The following PPP1R16B variants were observed in gnomAD, a reference collection of about 807,000 sequenced individuals.
PPP1R16B encodes the protein protein phosphatase 1 regulatory inhibitor subunit 16B.
In PPP1R16B, 14 loss-of-function variants were observed where a neutral mutation model predicts 61.7. That is an observed-to-expected ratio of 0.23 (90% CI 0.15 to 0.35). The LOEUF (loss-of-function observed/expected upper bound fraction) is 0.35, where lower values mean the gene tolerates loss of function less well. Ranked by LOEUF, PPP1R16B falls within the 10% of genes least tolerant of loss-of-function variation. The probability of loss-of-function intolerance (pLI) is 1.00; values close to 1 mark genes in which losing one functional copy is unlikely to be tolerated. For missense variants in PPP1R16B, 547 were observed against 752.5 expected, an observed-to-expected ratio of 0.73 and a Z score of 3.19; for synonymous variants, 266 against 305.3, an observed-to-expected ratio of 0.87 and a Z score of 1.34.
intron 1 of PPP1R16B, among the ~76,000 whole-genome samples, chr20:38,834,176 T>A (rs1281013881): frequency 6.6e-6 from 1 of 152,178 alleles, no homozygotes; most frequent in Non-Finnish European, 1.5e-5. Flanking sequence ...TTTTAAAAAA[T>A]TATTTTATTT....
At chr20:38,902,889 T>C in intron 6 of PPP1R16B, 97 bp downstream of exon 6, 1 of 1,557,840 alleles carries the variant, frequency 6.4e-7, no homozygotes, top group East Asian at 2.3e-5. Context: ...GGCCTGTCTG[T>C]GACCTTGGAC....
chr20:38,836,251 A>C (rs556076171), intron 2 of PPP1R16B, 76 bp downstream of exon 2: 1 of 1,536,178 alleles, frequency 6.5e-7, no homozygotes, highest in African/African-American at 1.4e-5. Flanking sequence ...GGTTCTGTGC[A>C]GTAGACGTGT....
At chr20:38,877,952 G>GTTTTTTT (rs34151516) in intron 2 of PPP1R16B, among the ~76,000 whole-genome samples, 2 of 57,776 alleles carry the variant, frequency 3.5e-5, no homozygotes, top group African/African-American at 1.2e-4. Context: ...GCACACAGTT[G>GTTTTTTT]TTTTTTTTTT....
In PPP1R16B at chr20:38,840,860, G is replaced by A. The variant is rs150205608; in HGVS notation, c.250+4685G>A. 2.2e-3 allele frequency among the ~76,000 whole-genome samples: 342 copies of A among 152,280 alleles called. 2 individuals carry two copies. The highest frequency in any genetic ancestry group is 7.6e-3 in the African/African-American group (314 of 41,554). On this transcript the variant is annotated intron_variant, in intron 2 of 10. Coordinates refer to ENST00000299824, the MANE Select transcript of PPP1R16B (RefSeq NM_015568.4). ...TAAAAATGAGGATGATGATGTACCCGCTTCATAACGTTGTTGGGGGGTTAA... is the reference window on the plus strand; with the variant it reads ...TAAAAATGAGGATGATGATGTACCCACTTCATAACGTTGTTGGGGGGTTAA...
intron 10 of PPP1R16B, among the ~76,000 whole-genome samples, chr20:38,910,464 G>A (rs2085479285): frequency 6.6e-6 from 1 of 151,628 alleles, no homozygotes; most frequent in South Asian, 2.1e-4. Context: ...TGACCCTGCA[G>A]TTTCTTTCGT....
chr20:38,914,620 CT>C (rs1407764415), intron 10 of PPP1R16B, among the ~76,000 whole-genome samples: 1 of 152,164 alleles, frequency 6.6e-6, no homozygotes, highest in Admixed American at 6.5e-5. Flanking sequence ...ATTCCTCTTC[CT>C]TCAATGCTCT....
chr20:38,827,580 A>G (rs966004156), intron 1 of PPP1R16B, among the ~76,000 whole-genome samples: 3 of 152,160 alleles, frequency 2.0e-5, no homozygotes, highest in Admixed American at 6.5e-5. Context: ...TGGGGATCTG[A>G]GTTTCACGAC....
At chr20:38,858,586 A>G (rs1056920901) in intron 2 of PPP1R16B, among the ~76,000 whole-genome samples, 1 of 152,150 alleles carries the variant, frequency 6.6e-6, no homozygotes, top group African/African-American at 2.4e-5. Flanking sequence ...ATATTAATAA[A>G]TGAATGTACC....
At chr20:38,856,464 G>A (rs2085009576) in intron 2 of PPP1R16B, among the ~76,000 whole-genome samples, 1 of 152,166 alleles carries the variant, frequency 6.6e-6, no homozygotes. Context: ...CTGGGAGTGA[G>A]GCTGAGGTTG....
intron 1 of PPP1R16B, among the ~76,000 whole-genome samples, chr20:38,822,099 C>G (rs1164862103): frequency 6.6e-6 from 1 of 150,706 alleles, no homozygotes; most frequent in Non-Finnish European, 1.5e-5. Flanking sequence ...AACTCAAACT[C>G]CAAACTCAGT....
intron 2 of PPP1R16B, among the ~76,000 whole-genome samples, chr20:38,851,750 G>A (rs1446649357): frequency 1.3e-5 from 2 of 152,176 alleles, no homozygotes; most frequent in African/African-American, 2.4e-5. Context: ...GCTGGGCATG[G>A]TGGCTCATAC....
Position 38,844,883 on chromosome 20 carries a change from AGAGACCACTTT to A in PPP1R16B, c.250+8713_250+8723del, listed in dbSNP as rs1459140617. 3.9e-5 allele frequency among the ~76,000 whole-genome samples: 6 copies of A among 152,338 alleles called. No homozygotes were observed. The South Asian group carries it at 1.2e-3, about 32-fold the overall frequency. On this transcript the variant is annotated intron_variant, in intron 2 of 10. Transcript: ENST00000299824. Reference sequence around the variant, plus strand: ...ATGTTTTAATACCCTGAAAGAGTCTAGAGACCACTTTGAGAACCACTGGTTTATGGGGGTCA... The same window carrying A: ...ATGTTTTAATACCCTGAAAGAGTCTAGAGAACCACTGGTTTATGGGGGTCA...
rs35869936 is a variant in PPP1R16B, at chr20:38,919,001, AACAC to A, written c.*351_*354del. On this transcript the variant is annotated 3_prime_UTR_variant, in exon 11 of 11. Transcript: ENST00000299824. Reference sequence around the variant, plus strand: ...CGGATCAGTACATGCATGTCACATTAACACACACACACACACACATATACACACA... The same window carrying A: ...CGGATCAGTACATGCATGTCACATTAACACACACACACACATATACACACA... 9.5e-5 allele frequency: 20 copies of A among 210,774 alleles called. No homozygotes were observed. The highest frequency in any genetic ancestry group is 1.3e-4 in the Non-Finnish European group (14 of 105,994). The allele number at this position is 210,774 out of a possible 1,614,324, so 13.1% of individuals were successfully genotyped here. A position where few individuals can be genotyped will look rare whatever the true frequency, so the allele number is the denominator to read the frequency against.
At chr20:38,899,595 T>C (rs2085375918) in intron 4 of PPP1R16B, among the ~76,000 whole-genome samples, 2 of 152,218 alleles carry the variant, frequency 1.3e-5, no homozygotes, top group Admixed American at 6.5e-5. Context: ...AGGTCTCCAT[T>C]CTTCTACCTC....
chr20:38,913,036 A>AT (rs1375086793), intron 10 of PPP1R16B, among the ~76,000 whole-genome samples: 1 of 151,788 alleles, frequency 6.6e-6, no homozygotes, highest in Non-Finnish European at 1.5e-5. Context: ...TGCCCAGCTA[A>AT]TTTTTGTGTT....
Position 38,805,765 on chromosome 20 carries a change from C to A in PPP1R16B, c.-129C>A, listed in dbSNP as rs1016055825. 6.6e-6 allele frequency: 1 copy of A among 152,232 alleles called. No homozygotes were observed. Among genetic ancestry groups the A allele is most frequent in the Non-Finnish European group, 1.5e-5 (1 of 68,058 alleles). The allele number at this position is 152,232 out of a possible 1,614,324, so 9.4% of individuals were successfully genotyped here. A position where few individuals can be genotyped will look rare whatever the true frequency, so the allele number is the denominator to read the frequency against. ...CCACAGACACAGCCGGGGTCGGGAG[C>A]CGCCCGGGGCAGGGCTCGGGAGAGC... On this transcript the variant is annotated 5_prime_UTR_variant, in exon 1 of 11. Coordinates refer to ENST00000299824, the MANE Select transcript of PPP1R16B (RefSeq NM_015568.4).
rs148853939 is a variant in PPP1R16B at position 38,881,281 on chromosome 20, T to C, written c.251-8314T>C. Among the ~76,000 whole-genome samples the C allele has an allele frequency of 2.2e-3, 332 of 152,200 alleles. 1 individual carries two copies. The highest frequency in any genetic ancestry group is 7.7e-3 in the African/African-American group (318 of 41,514). ...CTATTTCTGCTCCAGGGAGGAGCAG[T>C]GGTGGGTGGAAAGGTTTCAATTGCT... On this transcript the variant is annotated intron_variant, in intron 2 of 10. Transcript: ENST00000299824.
intron 10 of PPP1R16B, among the ~76,000 whole-genome samples, chr20:38,916,309 ATATGTTATATATG>A (rs1186197074): frequency 1.0e-4 from 15 of 147,956 alleles, no homozygotes; most frequent in Admixed American, 7.5e-4. Flanking sequence ...TATATGTTAT[ATATGTTATATATG>A]TATGTTATAT....
At chr20:38,834,926 G>T (rs1280895688) in intron 1 of PPP1R16B, among the ~76,000 whole-genome samples, 1 of 152,128 alleles carries the variant, frequency 6.6e-6, no homozygotes, top group African/African-American at 2.4e-5. Flanking sequence ...AATTCTTTAT[G>T]TTGAGCTTAG....
Sources: gnomAD v4.1 joint callset for allele counts (sites outside exome capture counted in the v4.1 genomes callset) on GRCh38, gnomAD v4.1.1 for gene constraint, MANE v1.5 for transcripts, NCBI Gene and HGNC (gene_info 2026-07-23, HGNC 2026-07-21) for gene names.